ATG7: variants seen among roughly 807,000 people sequenced by gnomAD.
ATG7 encodes ubiquitin-like modifier-activating enzyme ATG7.
Under a neutral mutation model 82.4 loss-of-function variants are expected in ATG7, and 70 were observed. The observed-to-expected ratio is 0.85, with a 90% CI of 0.70 to 1.04. The LOEUF (loss-of-function observed/expected upper bound fraction) is 1.04, where lower values mean the gene tolerates loss of function less well. ATG7 is among the 50% of genes least tolerant of loss of function. ATG7 has a pLI of 0.00. For missense variants in ATG7, 792 were observed against 864.3 expected, an observed-to-expected ratio of 0.92 and a Z score of 1.05; for synonymous variants, 287 against 313.0, an observed-to-expected ratio of 0.92 and a Z score of 0.88.
intron 20 of ATG7, among the ~76,000 whole-genome samples, chr3:11,460,958 C>T (rs897032223): frequency 6.6e-6 from 1 of 152,110 alleles, no homozygotes; most frequent in Non-Finnish European, 1.5e-5. Context: ...GTCTTTGCAA[C>T]CTTCCTTTTC....
intron 19 of ATG7, among the ~76,000 whole-genome samples, chr3:11,407,590 C>T (rs1163893199): frequency 6.6e-6 from 1 of 152,268 alleles, no homozygotes. Flanking sequence ...ACCCCTACAG[C>T]AAACTTCAGC....
chr3:11,536,884 T>G (rs890458347), intron 20 of ATG7, among the ~76,000 whole-genome samples: 4 of 152,156 alleles, frequency 2.6e-5, no homozygotes, highest in Admixed American at 6.5e-5. Context: ...CTCTGGAATT[T>G]TAGGATTATG....
chr3:11,424,714 A>G (rs2082218290), intron 19 of ATG7, among the ~76,000 whole-genome samples: 1 of 152,172 alleles, frequency 6.6e-6, no homozygotes, highest in South Asian at 2.1e-4. Context: ...AAAATAATCT[A>G]CAGAGGCTAC....
the ATG7 span, chr3:11,568,796 G>A: frequency 4.8e-6 from 7 of 1,446,534 alleles, no homozygotes; most frequent in Non-Finnish European, 6.3e-6. The surrounding 1 kb of genome is among the most constrained non-coding windows in gnomAD (Gnocchi z 5.9). Context: ...CTGTGCCCGA[G>A]AGAGCCCACG....
intron 20 of ATG7, among the ~76,000 whole-genome samples, chr3:11,449,478 T>G (rs1352366336): frequency 1.3e-5 from 2 of 152,078 alleles, no homozygotes; most frequent in Admixed American, 1.3e-4. Context: ...AGAGAGAGAT[T>G]GAGATTGAGA....
chr3:11,565,619 T>C, the ATG7 span, among the ~76,000 whole-genome samples: 4 of 152,094 alleles, frequency 2.6e-5, no homozygotes, highest in African/African-American at 9.7e-5. The surrounding 1 kb of genome is among the most constrained non-coding windows in gnomAD (Gnocchi z 4.1). Context: ...TGCTCTGGGG[T>C]TCCCGGGGTG....
chr3:11,372,837 CGTGCGTGCGTGTGCGTGTGT>C (rs2077114815), intron 18 of ATG7, among the ~76,000 whole-genome samples: 1 of 90,548 alleles, frequency 1.1e-5, no homozygotes. Context: ...CGTGTGTGTG[CGTGCGTGCGTGTGCGTGTGT>C]GTGTGTGAAA....
intron 20 of ATG7, among the ~76,000 whole-genome samples, chr3:11,495,754 C>A (rs555208629): frequency 6.6e-6 from 1 of 152,142 alleles, no homozygotes; most frequent in African/African-American, 2.4e-5. Context: ...TCTATTTTGC[C>A]GTGTTTCATA....
chr3:11,568,506 G>A, the ATG7 span: 3 of 1,478,248 alleles, frequency 2.0e-6, no homozygotes, highest in Non-Finnish European at 2.8e-6. The surrounding 1 kb of genome is among the most constrained non-coding windows in gnomAD (Gnocchi z 5.9). Context: ...GTGGAACACA[G>A]CACAGTGGGC....
chr3:11,441,644 TC>T (rs904367338), intron 20 of ATG7, among the ~76,000 whole-genome samples: 1 of 147,256 alleles, frequency 6.8e-6, no homozygotes, highest in African/African-American at 2.5e-5. Context: ...GTTTCTTCCT[TC>T]CCCTTTCTCC....
intron 20 of ATG7, among the ~76,000 whole-genome samples, chr3:11,507,214 G>A (rs1447606559): frequency 6.6e-6 from 1 of 151,678 alleles, no homozygotes; most frequent in Non-Finnish European, 1.5e-5. Flanking sequence ...CCCAGGAGGC[G>A]GAAGTTTCAG....
rs547482621 is a variant in ATG7 at position 11,483,268 on chromosome 3, A to T, written c.2079+56342A>T. 2.9e-4 allele frequency among the ~76,000 whole-genome samples: 44 copies of T among 152,282 alleles called. 1 individual carries two copies. The highest frequency in any genetic ancestry group is 2.5e-3 in the South Asian group (12 of 4,828). ...TCAGTCTTGGCATCACAGAAGCTTG[A>T]CGAGAAGAGAAACAGACACCAGGGC... is the stretch of plus-strand genomic sequence containing the variant. On this transcript the variant is annotated intron_variant, in intron 20 of 20. Coordinates refer to ENST00000693202, the MANE Select transcript of ATG7 (RefSeq NM_001349232.2).
intron 20 of ATG7, among the ~76,000 whole-genome samples, chr3:11,459,630 T>G (rs1197595702): frequency 6.6e-6 from 1 of 152,202 alleles, no homozygotes; most frequent in African/African-American, 2.4e-5. Flanking sequence ...TAGCTCTTCT[T>G]GTCTGATAAC....
intron 20 of ATG7, among the ~76,000 whole-genome samples, chr3:11,471,407 A>G (rs1390292797): frequency 3.3e-5 from 5 of 152,202 alleles, no homozygotes; most frequent in Non-Finnish European, 5.9e-5. Flanking sequence ...TCCTTGAGAA[A>G]AAATATATGA....
the ATG7 span, among the ~76,000 whole-genome samples, chr3:11,572,880 C>A: frequency 6.6e-6 from 1 of 152,020 alleles, no homozygotes; most frequent in East Asian, 1.9e-4. Flanking sequence ...GAAAATGACC[C>A]CCGTAGGCCA....
downstream of ATG7, chr3:11,559,354 G>A (rs1311743990): frequency 6.5e-7 from 1 of 1,549,254 alleles, no homozygotes; most frequent in Non-Finnish European, 8.7e-7. Context: ...TCCGGTAGCT[G>A]GCAGGCCCGG....
intron 20 of ATG7, among the ~76,000 whole-genome samples, chr3:11,547,082 G>C (rs138253426): frequency 1.3e-5 from 2 of 152,234 alleles, no homozygotes; most frequent in Non-Finnish European, 2.9e-5. Context: ...GTGCATTTGC[G>C]TGACAGGCGG....
intron 3 of ATG7, among the ~76,000 whole-genome samples, chr3:11,294,206 T>A (rs1415463580): frequency 6.6e-6 from 1 of 151,992 alleles, no homozygotes; most frequent in African/African-American, 2.4e-5. Context: ...CACGTGTGCC[T>A]CAAATCCTCA....
At chr3:11,461,716 A>T (rs759703023) in intron 20 of ATG7, among the ~76,000 whole-genome samples, 2 of 152,108 alleles carry the variant, frequency 1.3e-5, no homozygotes, top group African/African-American at 2.4e-5. Flanking sequence ...GTCTTATCCA[A>T]TGTTCTCATT....
Sources: allele counts gnomAD v4.1 joint callset (sites outside exome capture counted in the v4.1 genomes callset), GRCh38; gene constraint gnomAD v4.1.1; non-coding constraint Gnocchi (gnomAD v3.1); transcripts MANE v1.5; gene names NCBI Gene and HGNC (gene_info 2026-07-23, HGNC 2026-07-21).